The following HPCAL1 variants were observed in gnomAD, a reference collection of about 807,000 sequenced individuals.
HPCAL1 encodes the protein hippocalcin like 1, also known as hippocalcin-like protein 1.
In HPCAL1, 8 loss-of-function variants were observed where a neutral mutation model predicts 17.1. The ratio of observed to expected loss-of-function variants is 0.47; its 90% confidence interval spans 0.27 to 0.84. The LOEUF (loss-of-function observed/expected upper bound fraction) is 0.84, where lower values mean the gene tolerates loss of function less well. HPCAL1 is among the 40% of genes least tolerant of loss of function. The pLI is 0.13. For synonymous variants in HPCAL1, 112 were observed against 111.4 expected (o/e 1.01, Z -0.03); for missense variants, 165 against 271.1 (o/e 0.61, Z 2.75).
intron 2 of HPCAL1, among the ~76,000 whole-genome samples, chr2:10,400,757 A>T (rs1165081553): frequency 6.8e-6 from 1 of 147,410 alleles, no homozygotes; most frequent in East Asian, 2.0e-4. Context: ...ACACGTACAC[A>T]CCCACATGCA....
At chr2:10,349,982 C>A (rs150565279) in intron 1 of HPCAL1, among the ~76,000 whole-genome samples, 1 of 152,220 alleles carries the variant, frequency 6.6e-6, no homozygotes, top group African/African-American at 2.4e-5. Flanking sequence ...ATTTCATATA[C>A]CACTGATATT....
At position 10,330,565 on chromosome 2, in the gene HPCAL1, T is replaced by C. The variant is rs765463812; in HGVS notation, c.-111+27388T>C. 2.6e-5 allele frequency among the ~76,000 whole-genome samples: 4 copies of C among 152,124 alleles called. No individual in the cohort carries two copies. The highest frequency in any genetic ancestry group is 5.9e-5 in the Non-Finnish European group (4 of 68,004). On this transcript the variant is annotated intron_variant, in intron 1 of 4. Transcript: ENST00000307845. The surrounding 1 kb of genome is among the most constrained non-coding windows in gnomAD (Gnocchi z 4.2). ...CCCGAGGCCTCTCTCCTCGGCTCCG[T>C]GTAGCCCTTTCTCCCTCTGTTCTCA...
intron 1 of HPCAL1, among the ~76,000 whole-genome samples, chr2:10,339,541 G>C (rs536927544): frequency 6.6e-6 from 1 of 152,322 alleles, no homozygotes; most frequent in South Asian, 2.1e-4. Flanking sequence ...TAGAGACAGA[G>C]TTTCACTATG....
Position 10,426,827 on chromosome 2 carries a change from C to G in HPCAL1, c.*6C>G. The G allele has an allele frequency of 6.2e-7, 1 of 1,610,326 alleles. No homozygotes were observed. Among genetic ancestry groups the G allele is most frequent in the Non-Finnish European group, 8.5e-7 (1 of 1,177,426 alleles). Reference sequence around the variant, plus strand: ...GCAGTGCCAGTCAGTTCTGAGCGAGCGGCCCCTGGACAGTTGCAGAGAAAC... The same window carrying G: ...GCAGTGCCAGTCAGTTCTGAGCGAGGGGCCCCTGGACAGTTGCAGAGAAAC... On this transcript the variant is annotated 3_prime_UTR_variant, in exon 5 of 5. Transcript: ENST00000307845.
At position 10,332,001 on chromosome 2, in the gene HPCAL1, G is replaced by A. The variant is rs138215822; in HGVS notation, c.-111+28824G>A. Among the ~76,000 whole-genome samples the A allele has an allele frequency of 2.7e-3, 413 of 151,464 alleles. 2 individuals are homozygous for A. The highest frequency in any genetic ancestry group is 9.8e-3 in the African/African-American group (403 of 41,248). On this transcript the variant is annotated intron_variant, in intron 1 of 4. Coordinates refer to ENST00000307845, the MANE Select transcript of HPCAL1 (RefSeq NM_002149.4). Reference sequence around the variant, plus strand: ...TCACCTATTGTCATTTATGAGCCCCGTGTCACCTGTTGTTGCTTCACAGGG... The same window carrying A: ...TCACCTATTGTCATTTATGAGCCCCATGTCACCTGTTGTTGCTTCACAGGG...
chr2:10,370,558 A>G (rs944411237), intron 1 of HPCAL1, among the ~76,000 whole-genome samples: 3 of 152,208 alleles, frequency 2.0e-5, no homozygotes, highest in South Asian at 2.1e-4. Context: ...AGCGGGGTCT[A>G]ACATGTGGGA....
At chr2:10,314,152 A>AG (rs1663156253) in intron 1 of HPCAL1, among the ~76,000 whole-genome samples, 1 of 152,064 alleles carries the variant, frequency 6.6e-6, no homozygotes, top group Non-Finnish European at 1.5e-5. Context: ...AAAAAAAAAA[A>AG]GAATCCTCTT....
intron 2 of HPCAL1, among the ~76,000 whole-genome samples, chr2:10,407,332 A>G (rs911109964): frequency 2.4e-4 from 36 of 152,362 alleles, no homozygotes; most frequent in African/African-American, 8.4e-4. Flanking sequence ...ACCTTCCTCC[A>G]GCAATTCCTA....
At chr2:10,385,446 G>T (rs1558506001) in intron 1 of HPCAL1, among the ~76,000 whole-genome samples, 1 of 152,250 alleles carries the variant, frequency 6.6e-6, no homozygotes, top group Non-Finnish European at 1.5e-5. Context: ...TTGCTTCCCT[G>T]GCAGGGAGGC....
At chr2:10,368,012 A>C (rs1051241325) in intron 1 of HPCAL1, among the ~76,000 whole-genome samples, 2 of 150,974 alleles carry the variant, frequency 1.3e-5, no homozygotes, top group African/African-American at 4.9e-5. Context: ...GTACATGTGC[A>C]TTGTAGATGT....
At chr2:10,315,207 A>G (rs1412941921) in intron 1 of HPCAL1, among the ~76,000 whole-genome samples, 2 of 151,422 alleles carry the variant, frequency 1.3e-5, no homozygotes, top group Non-Finnish European at 2.9e-5. Context: ...GCAGGAGAAT[A>G]GGGTGAACCC....
At position 10,365,575 on chromosome 2, in the gene HPCAL1, C is replaced by T. The variant is rs1666796519; in HGVS notation, c.-110-31260C>T. ...CACCTGACCTTGGGTGGTTCCCCTTCAGCCCTGGCGTTATGATGTCCCGCC... is the reference window on the plus strand; with the variant it reads ...CACCTGACCTTGGGTGGTTCCCCTTTAGCCCTGGCGTTATGATGTCCCGCC... On this transcript the variant is annotated intron_variant, in intron 1 of 4. Coordinates refer to ENST00000307845, the MANE Select transcript of HPCAL1 (RefSeq NM_002149.4). This position sits in a 1 kb window ranked among gnomAD's most constrained non-coding sequence, Gnocchi z 4.8. Among the ~76,000 whole-genome samples, 1 of 152,112 alleles carries T rather than the reference C, an allele frequency of 6.6e-6. No individual in the cohort carries two copies. Among genetic ancestry groups the T allele is most frequent in the Non-Finnish European group, 1.5e-5 (1 of 68,000 alleles).
At chr2:10,370,685 G>A (rs558471437) in intron 1 of HPCAL1, among the ~76,000 whole-genome samples, 9 of 152,356 alleles carry the variant, frequency 5.9e-5, no homozygotes, top group African/African-American at 1.7e-4. Flanking sequence ...CAGGGCACAG[G>A]AGTCTGCCAG....
chr2:10,419,952 C>G lies in HPCAL1; in HGVS notation c.195C>G (p.Ala65=). ...CCTACGGCGACGCTTCCAAGTTCGC[C>G]GAGCACGTCTTCCGCACCTTCGACA... The part of the protein sequence containing the change: ...FFPYGDASKF[A]EHVFRTFDTN... The change falls in exon 3 of 5, where the codon GCC becomes GCG. Residue 65 remains alanine (A), a synonymous_variant. Transcript: ENST00000307845. The surrounding 1 kb of genome is among the most constrained non-coding windows in gnomAD (Gnocchi z 5.0). 1.2e-6 allele frequency: 2 copies of G among 1,613,962 alleles called. No individual in the cohort carries two copies. The highest frequency in any genetic ancestry group is 1.7e-6 in the Non-Finnish European group (2 of 1,180,014).
At chr2:10,400,982 C>G (rs1307805039) in intron 2 of HPCAL1, among the ~76,000 whole-genome samples, 1 of 152,236 alleles carries the variant, frequency 6.6e-6, no homozygotes, top group Non-Finnish European at 1.5e-5. Flanking sequence ...CCCACATGAG[C>G]AAGACCGGCC....
intron 1 of HPCAL1, among the ~76,000 whole-genome samples, chr2:10,358,163 C>T (rs567370939): frequency 3.3e-5 from 5 of 152,354 alleles, no homozygotes; most frequent in African/African-American, 7.2e-5. Flanking sequence ...TGATTCCGGC[C>T]CCACTTTAAT....
At chr2:10,390,403 G>A (rs1466557175) in intron 1 of HPCAL1, among the ~76,000 whole-genome samples, 2 of 152,140 alleles carry the variant, frequency 1.3e-5, no homozygotes, top group Non-Finnish European at 2.9e-5. Flanking sequence ...TATTCTTGGA[G>A]CAACTGTGCT....
chr2:10,314,417 G>C (rs1000220466), intron 1 of HPCAL1, among the ~76,000 whole-genome samples: 2 of 152,132 alleles, frequency 1.3e-5, no homozygotes, highest in African/African-American at 4.8e-5. Context: ...AGGAGGCTGA[G>C]ATTAAGAAGA....
At chr2:10,305,185 GGTGTGAA>G (rs999911656) in intron 1 of HPCAL1, among the ~76,000 whole-genome samples, 20 of 151,874 alleles carry the variant, frequency 1.3e-4, no homozygotes, top group African/African-American at 4.8e-4. Flanking sequence ...AAGGGCTTTT[GGTGTGAA>G]TCCTACTCTT....
Sources: allele counts gnomAD v4.1 joint callset (sites outside exome capture counted in the v4.1 genomes callset), GRCh38; gene constraint gnomAD v4.1.1; non-coding constraint Gnocchi (gnomAD v3.1); transcripts MANE v1.5; gene names NCBI Gene and HGNC (gene_info 2026-07-23, HGNC 2026-07-21).